The following PRKG1 variants were observed in gnomAD, a reference collection of about 807,000 sequenced individuals.
PRKG1 encodes cGMP-dependent protein kinase 1.
PRKG1 carries 35 observed loss-of-function variants against 88.1 expected under a neutral mutation model. The observed-to-expected ratio is 0.40, with a 90% CI of 0.30 to 0.53. The LOEUF is 0.53. Ranked by LOEUF, PRKG1 falls within the 20% of genes least tolerant of loss-of-function variation. PRKG1 has a pLI of 0.59. For missense variants in PRKG1, 540 were observed against 839.8 expected, an observed-to-expected ratio of 0.64 and a Z score of 4.41; for synonymous variants, 303 against 292.5, an observed-to-expected ratio of 1.04 and a Z score of -0.37.
At chr10:52,120,564 G>T (rs1338122839) in intron 7 of PRKG1, among the ~76,000 whole-genome samples, 3 of 152,112 alleles carry the variant, frequency 2.0e-5, no homozygotes, top group Admixed American at 1.3e-4. Flanking sequence ...CATTCCAAAA[G>T]GGAAAAATAG....
At chr10:51,583,887 C>T (rs1838106678) in intron 3 of PRKG1, among the ~76,000 whole-genome samples, 1 of 151,992 alleles carries the variant, frequency 6.6e-6, no homozygotes, top group Admixed American at 6.6e-5. Context: ...AACACGGGAA[C>T]TTTTTCTCAC....
chr10:51,300,595 A>G (rs763959480), intron 2 of PRKG1, among the ~76,000 whole-genome samples: 3 of 152,204 alleles, frequency 2.0e-5, no homozygotes, highest in Non-Finnish European at 4.4e-5. Flanking sequence ...GCAAATACAA[A>G]TTTAGTAAGT....
chr10:52,130,813 A>G (rs1192009745), intron 7 of PRKG1, among the ~76,000 whole-genome samples: 4 of 152,198 alleles, frequency 2.6e-5, no homozygotes, highest in Admixed American at 2.0e-4. Context: ...GCTTACATCT[A>G]TGGAGCAGAA....
At chr10:52,053,736 G>A (rs1035651454) in intron 5 of PRKG1, among the ~76,000 whole-genome samples, 4 of 152,062 alleles carry the variant, frequency 2.6e-5, no homozygotes, top group African/African-American at 9.7e-5. Context: ...ATCCTTTTGC[G>A]GCCTTACCTC....
At chr10:51,930,592 G>A (rs763442509) in intron 5 of PRKG1, among the ~76,000 whole-genome samples, 7 of 142,610 alleles carry the variant, frequency 4.9e-5, no homozygotes, top group Non-Finnish European at 9.0e-5. Context: ...CTGAGTTCAA[G>A]TGATTCTCGT....
At position 51,407,936 on chromosome 10, in the gene PRKG1, G is replaced by A. The variant is rs149111343; in HGVS notation, c.479-59787G>A. Among the ~76,000 whole-genome samples the A allele has an allele frequency of 5.9e-3, 895 of 152,208 alleles. 8 individuals carry two copies. Among genetic ancestry groups the A allele is most frequent in the Middle Eastern group, 0.017 (5 of 294 alleles). ...GACTTAAAGGTAGGAGGAGCCTGGC[G>A]GCAATCTTAACTTTCAGTTCAATGG... On this transcript the variant is annotated intron_variant, in intron 2 of 17. Coordinates refer to ENST00000373980, the MANE Select transcript of PRKG1 (RefSeq NM_006258.4).
intron 3 of PRKG1, among the ~76,000 whole-genome samples, chr10:51,614,064 G>A (rs1272977570): frequency 6.6e-6 from 1 of 151,794 alleles, no homozygotes; most frequent in Non-Finnish European, 1.5e-5. Context: ...TTGTCTAAAT[G>A]ATTTGTCTAA....
chr10:51,038,247 G>A (rs964412126), intron 1 of PRKG1, among the ~76,000 whole-genome samples: 1 of 152,220 alleles, frequency 6.6e-6, no homozygotes, highest in Non-Finnish European at 1.5e-5. Flanking sequence ...GTTGATACAA[G>A]CATGCAATGC....
chr10:51,029,677 A>AT (rs1300417569), intron 1 of PRKG1, among the ~76,000 whole-genome samples: 1 of 152,184 alleles, frequency 6.6e-6, no homozygotes, highest in Admixed American at 6.5e-5. Context: ...TGGATGAGTC[A>AT]TTTAAATTTG....
At chr10:51,185,372 A>G (rs949345911) in intron 2 of PRKG1, among the ~76,000 whole-genome samples, 4 of 152,120 alleles carry the variant, frequency 2.6e-5, no homozygotes, top group Non-Finnish European at 5.9e-5. Flanking sequence ...ATGCCGTTCT[A>G]TTTATAAAAT....
Position 52,074,056 on chromosome 10 carries a change from C to G in PRKG1, c.935+11425C>G, listed in dbSNP as rs180778899. On this transcript the variant is annotated intron_variant, in intron 7 of 17. Coordinates refer to ENST00000373980, the MANE Select transcript of PRKG1 (RefSeq NM_006258.4). The stretch of plus-strand genomic sequence containing the variant: ...TTATTGTTGCTGTTGTTTGAATTTA[C>G]TTAATAATCTTGCTAATGTTTTAGT... 1.5e-4 allele frequency among the ~76,000 whole-genome samples: 23 copies of G among 152,234 alleles called. No individual in the cohort carries two copies. In the East Asian group the frequency reaches 4.2e-3, roughly 28 times the overall value.
At chr10:51,826,144 G>A (rs1458850006) in intron 4 of PRKG1, among the ~76,000 whole-genome samples, 1 of 152,058 alleles carries the variant, frequency 6.6e-6, no homozygotes, top group African/African-American at 2.4e-5. Context: ...AAATGTGATA[G>A]CCACTGTGGA....
intron 1 of PRKG1, among the ~76,000 whole-genome samples, chr10:51,034,210 T>A (rs958102941): frequency 1.3e-5 from 2 of 152,182 alleles, no homozygotes; most frequent in African/African-American, 4.8e-5. Context: ...TATACTTTAA[T>A]TGCTTTTTCA....
intron 3 of PRKG1, among the ~76,000 whole-genome samples, chr10:51,791,003 T>C (rs540548871): frequency 6.6e-6 from 1 of 152,258 alleles, no homozygotes; most frequent in East Asian, 1.9e-4. Flanking sequence ...TCATTTTGTC[T>C]CTAAATTGAA....
intron 9 of PRKG1, among the ~76,000 whole-genome samples, chr10:52,175,506 G>A (rs1018419118): frequency 2.0e-5 from 3 of 151,956 alleles, no homozygotes; most frequent in Admixed American, 2.0e-4. Flanking sequence ...TTGGTTAAAT[G>A]CCCAGTAGTG....
At chr10:51,112,133 T>C (rs1844994373) in intron 1 of PRKG1, among the ~76,000 whole-genome samples, 1 of 152,206 alleles carries the variant, frequency 6.6e-6, no homozygotes, top group Non-Finnish European at 1.5e-5. Flanking sequence ...TTGTCTTATT[T>C]ACCTTTCCTG....
At chr10:51,997,199 G>A (rs1269571118) in intron 5 of PRKG1, among the ~76,000 whole-genome samples, 1 of 151,956 alleles carries the variant, frequency 6.6e-6, no homozygotes, top group African/African-American at 2.4e-5. Context: ...AAAGCTGGGC[G>A]CGGTGGCTCA....
At chr10:52,084,197 G>T (rs564482335) in intron 7 of PRKG1, among the ~76,000 whole-genome samples, 7 of 151,942 alleles carry the variant, frequency 4.6e-5, no homozygotes, top group Admixed American at 2.0e-4. Flanking sequence ...TTTTAAAAAG[G>T]AGCAGTAAGG....
chr10:52,122,963 C>A (rs1847854249), intron 7 of PRKG1, among the ~76,000 whole-genome samples: 1 of 152,110 alleles, frequency 6.6e-6, no homozygotes, highest in African/African-American at 2.4e-5. Context: ...AATATATATC[C>A]CACTGCAATT....
Sources: gnomAD v4.1 joint callset for allele counts (sites outside exome capture counted in the v4.1 genomes callset) on GRCh38, gnomAD v4.1.1 for gene constraint, MANE v1.5 for transcripts, NCBI Gene and HGNC (gene_info 2026-07-23, HGNC 2026-07-21) for gene names.